Variants in CTCF observed in about 807,000 individuals in gnomAD.
CTCF encodes the protein CCCTC-binding factor, also known as transcriptional repressor CTCF.
Under a neutral mutation model 72.3 loss-of-function variants are expected in CTCF, and 7 were observed. That is an observed-to-expected ratio of 0.10 (90% CI 0.06 to 0.18). The LOEUF (loss-of-function observed/expected upper bound fraction) is 0.18, where lower values mean the gene tolerates loss of function less well. Ranked by LOEUF, CTCF falls within the 10% of genes least tolerant of loss-of-function variation. The pLI, the probability that CTCF is intolerant of heterozygous loss-of-function variation, is 1.00. For missense variants in CTCF, 516 were observed against 949.1 expected (o/e 0.54, Z 6.00); for synonymous variants, 374 against 315.8 (o/e 1.18, Z -1.95).
intron 2 of CTCF, among the ~76,000 whole-genome samples, chr16:67,575,755 G>A (rs746441728): frequency 6.6e-6 from 1 of 152,090 alleles, no homozygotes; most frequent in Non-Finnish European, 1.5e-5. Context: ...GTTGGTTATT[G>A]TATATATTTT....
At chr16:67,569,736 A>G (rs1310240774) in intron 1 of CTCF, among the ~76,000 whole-genome samples, 1 of 150,452 alleles carries the variant, frequency 6.6e-6, no homozygotes, top group Non-Finnish European at 1.5e-5. Flanking sequence ...CCCAGGCTGG[A>G]GTGCAGTGGC....
intron 2 of CTCF, among the ~76,000 whole-genome samples, chr16:67,592,078 G>C (rs80234746): frequency 6.6e-6 from 1 of 152,010 alleles, no homozygotes; most frequent in African/African-American, 2.4e-5. Flanking sequence ...TGTATAGTGA[G>C]AATACCAGAC....
intron 2 of CTCF, among the ~76,000 whole-genome samples, chr16:67,580,865 G>A (rs1039342752): frequency 6.8e-6 from 1 of 147,098 alleles, no homozygotes; most frequent in Admixed American, 6.9e-5. Flanking sequence ...ATCCACCCAC[G>A]TCGGCCTCCC....
chr16:67,616,735 CT>C lies in CTCF; in HGVS notation c.953-7del, dbSNP rs777305230. The C allele has an allele frequency of 2.9e-5, 47 of 1,614,000 alleles. 1 individual carries two copies. In the South Asian group the frequency reaches 4.9e-4, roughly 17 times the overall value. On this transcript the variant is annotated splice_polypyrimidine_tract_variant and intron_variant, in intron 4 of 11. Coordinates refer to ENST00000264010, the MANE Select transcript of CTCF (RefSeq NM_006565.4). ...ATCTTGCTCTTCCTGTTACTCCATC[CT>C]TTCTCTAGGTACTCGTCCTCACAAG... is the stretch of plus-strand genomic sequence containing the variant.
At chr16:67,587,497 GT>G (rs1414998422) in intron 2 of CTCF, among the ~76,000 whole-genome samples, 1 of 151,294 alleles carries the variant, frequency 6.6e-6, no homozygotes, top group Non-Finnish European at 1.5e-5. Flanking sequence ...AACCATGACA[GT>G]TCACCCTATC....
intron 2 of CTCF, among the ~76,000 whole-genome samples, chr16:67,584,738 A>G (rs984359110): frequency 3.2e-4 from 48 of 152,220 alleles, no homozygotes; most frequent in Non-Finnish European, 1.6e-4. Context: ...AGCCAAAAGA[A>G]AATTTAAGTC....
intron 1 of CTCF, among the ~76,000 whole-genome samples, chr16:67,566,361 G>T (rs747827966): frequency 8.6e-5 from 13 of 151,286 alleles, no homozygotes; most frequent in Non-Finnish European, 1.3e-4. Flanking sequence ...AAAATTAGCT[G>T]AGCGTGGTGG....
intron 1 of CTCF, among the ~76,000 whole-genome samples, chr16:67,570,450 G>C (rs34447959): frequency 0.042 from 5,666 of 136,404 alleles, 130 homozygotes; most frequent in Middle Eastern, 0.13. Context: ...GGAGTGTTTT[G>C]TTTTGTTTTT....
Position 67,636,186 on chromosome 16 carries a change from A to G in CTCF, c.1838-504A>G, listed in dbSNP as rs2052425283. Among the ~76,000 whole-genome samples, 3 of 152,050 alleles carry G rather than the reference A, an allele frequency of 2.0e-5. No individual in the cohort carries two copies. In the South Asian group the frequency reaches 6.2e-4, roughly 32 times the overall value. On this transcript the variant is annotated intron_variant, in intron 10 of 11. Transcript: ENST00000264010. ...AGGTCAGGAATTCAAGACCAGCCTG[A>G]CCAATATGGTGAAACCCCATCTCTA...
chr16:67,637,618 G>A, intron 11 of CTCF, 70 bp from the exon 12 acceptor site: 1 of 1,377,214 alleles, frequency 7.3e-7, no homozygotes, highest in Non-Finnish European at 1.0e-6. Flanking sequence ...TTCGCTGTCA[G>A]TCTAAAAGAC....
chr16:67,598,245 T>TA (rs2051840915), intron 2 of CTCF, among the ~76,000 whole-genome samples: 1 of 152,216 alleles, frequency 6.6e-6, no homozygotes, highest in South Asian at 2.1e-4. Flanking sequence ...CCCAAAGTCC[T>TA]AGCAGTCAGG....
intron 9 of CTCF, 134 bp downstream of exon 9, chr16:67,628,686 TC>T: frequency 1.1e-6 from 1 of 875,646 alleles, no homozygotes; most frequent in Non-Finnish European, 1.8e-6. Flanking sequence ...GGGTTAGTCA[TC>T]CCCATCTTGA....
intron 7 of CTCF, among the ~76,000 whole-genome samples, chr16:67,623,686 C>G (rs1443199150): frequency 1.3e-5 from 2 of 151,572 alleles, no homozygotes; most frequent in Non-Finnish European, 2.9e-5. Context: ...GTAGTTTCAG[C>G]TATTCAGGAG....
intron 2 of CTCF, among the ~76,000 whole-genome samples, chr16:67,603,278 C>T (rs1201941844): frequency 1.3e-5 from 2 of 152,100 alleles, no homozygotes; most frequent in Admixed American, 6.6e-5. Context: ...CACCTGTAAT[C>T]CCAGCACTTT....
Position 67,616,841 on chromosome 16 carries a change from C to T in CTCF, c.1049C>T (p.Pro350Leu), listed in dbSNP as rs2052138039. ...HRRYKHTHEK[P>L]FKCSMCDYAS... is the part of the protein sequence containing the mutation. ...CGTTACAAACACACCCACGAGAAGC[C>T]ATTCAAGTGTTCCATGTGCGATTAC... Residue 350 changes from proline (P) to leucine (L), a missense_variant, in exon 5 of 12, where the codon CCA becomes CTA. Physicochemically the swap from Pro to Leu is moderately conservative, Grantham distance 98. Transcript: ENST00000264010. The T allele has an allele frequency of 6.2e-7, 1 of 1,614,010 alleles. No individual in the cohort carries two copies. The highest frequency in any genetic ancestry group is 8.5e-7 in the Non-Finnish European group (1 of 1,180,026).
chr16:67,583,955 C>A (rs566722286), intron 2 of CTCF, among the ~76,000 whole-genome samples: 1 of 152,070 alleles, frequency 6.6e-6, no homozygotes, highest in Non-Finnish European at 1.5e-5. Flanking sequence ...GTGTGCATAG[C>A]GAAAACTAGG....
chr16:67,615,064 C>T (rs1760298059), intron 4 of CTCF: 1 of 152,194 alleles, frequency 6.6e-6, no homozygotes, highest in South Asian at 2.1e-4. Context: ...ATTACTTCAA[C>T]CTGGAAGGTA....
At chr16:67,577,231 A>G (rs920097135) in intron 2 of CTCF, among the ~76,000 whole-genome samples, 2 of 151,852 alleles carry the variant, frequency 1.3e-5, no homozygotes, top group Non-Finnish European at 2.9e-5. Context: ...ATCCTGGCTA[A>G]CACAGTGAAA....
chr16:67,564,568 G>C (rs1035456141), intron 1 of CTCF, among the ~76,000 whole-genome samples: 3 of 152,134 alleles, frequency 2.0e-5, no homozygotes, highest in African/African-American at 7.2e-5. Flanking sequence ...AGTTAGACTT[G>C]GGAATAGAAT....
Sources: gnomAD v4.1 joint callset for allele counts (sites outside exome capture counted in the v4.1 genomes callset) on GRCh38, gnomAD v4.1.1 for gene constraint, MANE v1.5 for transcripts, NCBI Gene and HGNC (gene_info 2026-07-23, HGNC 2026-07-21) for gene names.